NCOR1: variants seen among roughly 807,000 people sequenced by gnomAD.
NCOR1 encodes the protein protein phosphatase 1, regulatory subunit 109.
In NCOR1, 63 loss-of-function variants were observed where a neutral mutation model predicts 288.1. That is an observed-to-expected ratio of 0.22 (90% CI 0.18 to 0.27). The LOEUF is 0.27. Ranked by LOEUF, NCOR1 falls within the 10% of genes least tolerant of loss-of-function variation. The probability of loss-of-function intolerance (pLI) is 1.00; values close to 1 mark genes in which losing one functional copy is unlikely to be tolerated. For synonymous variants in NCOR1, 1,007 were observed against 1,065.9 expected (o/e 0.94, Z 1.08); for missense variants, 2,397 against 3,019.2 (o/e 0.79, Z 4.83).
At chr17:16,197,706 C>A (rs1477550760) in intron 1 of NCOR1, among the ~76,000 whole-genome samples, 1 of 152,162 alleles carries the variant, frequency 6.6e-6, no homozygotes, top group Non-Finnish European at 1.5e-5. Context: ...CTGAGATGTT[C>A]AGTGAGAGCA....
At chr17:16,155,493 G>C (rs2153403931) in intron 6 of NCOR1, among the ~76,000 whole-genome samples, 2 of 151,896 alleles carry the variant, frequency 1.3e-5, no homozygotes, top group East Asian at 3.9e-4. Context: ...AATATTTTTG[G>C]AACTTACAAC....
At position 16,062,631 on chromosome 17, in the gene NCOR1, A is replaced by C. The variant is rs547565498; in HGVS notation, c.5222-361T>G. Among the ~76,000 whole-genome samples, 11 of 152,362 alleles carry C rather than the reference A, an allele frequency of 7.2e-5. No individual in the cohort carries two copies. The South Asian group carries it at 1.5e-3, about 20-fold the overall frequency. On this transcript the variant is annotated intron_variant, in intron 35 of 45. Coordinates refer to ENST00000268712, the MANE Select transcript of NCOR1 (RefSeq NM_006311.4). ...GATTTTTCCTCAAACTCTAGTGTGT[A>C]TATGATTTCCAAAATCTAATCAGGC...
At chr17:16,104,422 C>T (rs1213163613) in intron 19 of NCOR1, among the ~76,000 whole-genome samples, 1 of 152,106 alleles carries the variant, frequency 6.6e-6, no homozygotes, top group Non-Finnish European at 1.5e-5. Context: ...TTTAAGAAAA[C>T]CTAAGCAGAT....
intron 23 of NCOR1, chr17:16,084,478 A>G (rs576063829): frequency 6.6e-6 from 1 of 152,542 alleles, no homozygotes; most frequent in East Asian, 1.9e-4. Flanking sequence ...CTGATTATAT[A>G]ATTTATATGA....
At chr17:16,138,022 C>T (rs973988058) in intron 13 of NCOR1, 136 bp downstream of exon 13, 15 of 608,782 alleles carry the variant, frequency 2.5e-5, no homozygotes, top group Non-Finnish European at 3.7e-5. Context: ...ATTATCATTA[C>T]ATTAATCACA....
Position 16,127,529 on chromosome 17 carries a change from A to ATATATCTGCATGTATATATACACATGTG in NCOR1, c.1510-1351_1510-1324dup, listed in dbSNP as rs1568204038. Among the ~76,000 whole-genome samples the ATATATCTGCATGTATATATACACATGTG allele has an allele frequency of 2.6e-4, 32 of 122,554 alleles. 2 individuals carry two copies. Among genetic ancestry groups the ATATATCTGCATGTATATATACACATGTG allele is most frequent in the African/African-American group, 1.2e-3 (31 of 25,404 alleles). 80.4% of individuals were successfully genotyped at this position (122,554 alleles called of 152,430 possible). A position where few individuals can be genotyped will look rare whatever the true frequency, so the allele number is the denominator to read the frequency against. On this transcript the variant is annotated intron_variant, in intron 14 of 45. Coordinates refer to ENST00000268712, the MANE Select transcript of NCOR1 (RefSeq NM_006311.4). ...TACATATGTGTATATACACACGTGT[A>ATATATCTGCATGTATATATACACATGTG]TATATCTGCATGTATATATACACAT...
At chr17:16,130,759 C>T (rs535218275) in intron 14 of NCOR1, among the ~76,000 whole-genome samples, 1 of 152,192 alleles carries the variant, frequency 6.6e-6, no homozygotes, top group Non-Finnish European at 1.5e-5. Flanking sequence ...TCTTGGCTCA[C>T]TGCAACCTAT....
At chr17:16,159,005 G>C (rs576265556) in intron 5 of NCOR1, 132 bp from the exon 6 acceptor site, 2 of 509,258 alleles carry the variant, frequency 3.9e-6, no homozygotes, top group East Asian at 6.2e-5. Flanking sequence ...ATCCATGAAG[G>C]TCTCATGGAC....
chr17:16,049,561 C>A (rs958257540), intron 40 of NCOR1, among the ~76,000 whole-genome samples: 5 of 151,824 alleles, frequency 3.3e-5, no homozygotes, highest in African/African-American at 1.2e-4. Flanking sequence ...GATAGACACA[C>A]TGTTTAGCTC....
In NCOR1 at chr17:16,112,274, CT is replaced by C. The variant is rs548870860; in HGVS notation, c.2056-3363del. Among the ~76,000 whole-genome samples, 9 of 152,300 alleles carry C rather than the reference CT, an allele frequency of 5.9e-5. No individual in the cohort carries two copies. In the East Asian group the frequency reaches 1.7e-3, roughly 29 times the overall value. On this transcript the variant is annotated intron_variant, in intron 18 of 45. Transcript: ENST00000268712. ...GTCAAGTCTTTATCTTGTCAGTAGA[CT>C]TTTTCATGTTTTGGTTGCTACAGCA...
At chr17:16,161,461 A>G (rs2080856547) in intron 5 of NCOR1, among the ~76,000 whole-genome samples, 1 of 151,914 alleles carries the variant, frequency 6.6e-6, no homozygotes, top group African/African-American at 2.4e-5. Flanking sequence ...CACTCAGCTA[A>G]TTTTTTGTAT....
At chr17:16,179,908 A>G (rs554536572) in intron 3 of NCOR1, among the ~76,000 whole-genome samples, 4 of 149,924 alleles carry the variant, frequency 2.7e-5, no homozygotes, top group Non-Finnish European at 5.9e-5. Context: ...CAGTGAGCCA[A>G]GATCGTGCCA....
intron 2 of NCOR1, among the ~76,000 whole-genome samples, chr17:16,193,363 T>C (rs1600312547): frequency 6.6e-6 from 1 of 152,056 alleles, no homozygotes; most frequent in African/African-American, 2.4e-5. Flanking sequence ...CCCGAGTGGC[T>C]AGGATTACAG....
chr17:16,165,533 G>A (rs1219345926), intron 4 of NCOR1, among the ~76,000 whole-genome samples: 1 of 152,156 alleles, frequency 6.6e-6, no homozygotes, highest in East Asian at 1.9e-4. Context: ...CTGAACAACT[G>A]GCTGGGAAAT....
intron 5 of NCOR1, among the ~76,000 whole-genome samples, chr17:16,163,066 T>C (rs1297869791): frequency 1.3e-5 from 2 of 152,016 alleles, no homozygotes; most frequent in Non-Finnish European, 1.5e-5. Context: ...GGTAAAACTA[T>C]AAAATGTGTA....
chr17:16,098,695 C>A, intron 20 of NCOR1, 199 bp from the exon 21 acceptor site: 1 of 402,742 alleles, frequency 2.5e-6, no homozygotes, highest in Non-Finnish European at 4.3e-6. Flanking sequence ...GATAAAGAAA[C>A]TGAATATCGT....
intron 8 of NCOR1, chr17:16,151,544 G>C: frequency 7.8e-7 from 1 of 1,282,386 alleles, no homozygotes. Flanking sequence ...CTTGGTGGGG[G>C]ACGGTGTCAT....
At chr17:16,055,899 A>C (rs2059856801) in intron 40 of NCOR1, among the ~76,000 whole-genome samples, 1 of 152,202 alleles carries the variant, frequency 6.6e-6, no homozygotes, top group South Asian at 2.1e-4. Flanking sequence ...TCTAATGACT[A>C]AGTCCGAGAT....
intron 12 of NCOR1, 29 bp from the exon 13 acceptor site, chr17:16,138,241 T>C: frequency 6.3e-7 from 1 of 1,578,586 alleles, no homozygotes; most frequent in Non-Finnish European, 8.6e-7. Context: ...AAAAACACAC[T>C]TGCGTACAAA....
Sources: gnomAD v4.1 joint callset for allele counts (sites outside exome capture counted in the v4.1 genomes callset) on GRCh38, gnomAD v4.1.1 for gene constraint, MANE v1.5 for transcripts, NCBI Gene and HGNC (gene_info 2026-07-23, HGNC 2026-07-21) for gene names.